ESRRG: variants seen among roughly 807,000 people sequenced by gnomAD.
ESRRG encodes the protein estrogen related receptor gamma.
In ESRRG, 13 loss-of-function variants were observed where a neutral mutation model predicts 44.0. The observed-to-expected ratio is 0.30, with a 90% CI of 0.19 to 0.47. The LOEUF is 0.47. Ranked by LOEUF, ESRRG falls within the 20% of genes least tolerant of loss-of-function variation. The probability of loss-of-function intolerance (pLI) is 1.00; values close to 1 mark genes in which losing one functional copy is unlikely to be tolerated. For missense variants in ESRRG, 395 were observed against 580.6 expected (o/e 0.68, Z 3.29); for synonymous variants, 215 against 214.6 (o/e 1.00, Z -0.02).
In ESRRG at chr1:216,927,776, A is replaced by G. The variant is rs568403899; in HGVS notation, c.-14+11806T>C. On this transcript the variant is annotated intron_variant, in intron 2 of 7. Transcript: ENST00000359162. ...CACCGCGGGACGGGGCTCCCAGATC[A>G]TGAAGGAGAGCACTAGCTTTGCATG... is the stretch of plus-strand genomic sequence containing the variant. Among the ~76,000 whole-genome samples the G allele has an allele frequency of 2.8e-4, 43 of 152,314 alleles. 1 individual carries two copies. The highest frequency in any genetic ancestry group is 9.9e-4 in the African/African-American group (41 of 41,580).
chr1:216,977,166 A>T (rs542117145), intron 1 of ESRRG, among the ~76,000 whole-genome samples: 1 of 152,226 alleles, frequency 6.6e-6, no homozygotes, highest in African/African-American at 2.4e-5. Flanking sequence ...TTGGCTTAAA[A>T]ATTTTTTTAG....
intron 1 of ESRRG, among the ~76,000 whole-genome samples, chr1:217,029,764 A>C (rs924385732): frequency 1.3e-5 from 2 of 152,176 alleles, no homozygotes; most frequent in African/African-American, 2.4e-5. Context: ...CCTATTCATA[A>C]CATTCTTTAG....
intron 2 of ESRRG, among the ~76,000 whole-genome samples, chr1:216,669,642 T>C (rs2074734618): frequency 1.3e-5 from 2 of 152,208 alleles, no homozygotes; most frequent in Non-Finnish European, 2.9e-5. Context: ...TCCCAGCACT[T>C]GGGGAGGCCA....
At chr1:217,032,310 C>A (rs949571744) in intron 1 of ESRRG, among the ~76,000 whole-genome samples, 12 of 152,142 alleles carry the variant, frequency 7.9e-5, no homozygotes, top group Admixed American at 2.6e-4. Context: ...AGATCCCTAA[C>A]CATTTCTGGG....
At chr1:216,677,968 T>C (rs1455441485) in intron 1 of ESRRG, among the ~76,000 whole-genome samples, 1 of 152,246 alleles carries the variant, frequency 6.6e-6, no homozygotes, top group East Asian at 1.9e-4. Context: ...GATGCTGCAA[T>C]CATTTTATTA....
At chr1:216,825,403 G>T (rs2095373012) in intron 2 of ESRRG, among the ~76,000 whole-genome samples, 1 of 152,180 alleles carries the variant, frequency 6.6e-6, no homozygotes, top group African/African-American at 2.4e-5. Context: ...TTGGGTTGTT[G>T]TAAGTGTCCG....
rs1222830818 is a variant in ESRRG, at chr1:216,920,908, T to C, written c.-14+18674A>G. Among the ~76,000 whole-genome samples the C allele has an allele frequency of 3.3e-5, 5 of 152,202 alleles. No individual in the cohort carries two copies. The East Asian group carries it at 7.7e-4, about 23-fold the overall frequency. ...TATTAGTGTTGTAGAGGCAGCATTATGCTGTGAGCAAGGCACACGACTCAG... is the reference window on the plus strand; with the variant it reads ...TATTAGTGTTGTAGAGGCAGCATTACGCTGTGAGCAAGGCACACGACTCAG... On this transcript the variant is annotated intron_variant, in intron 2 of 7. Coordinates refer to the ESRRG transcript ENST00000359162.
chr1:217,083,205 G>T (rs575623805), intron 1 of ESRRG, among the ~76,000 whole-genome samples: 7 of 152,222 alleles, frequency 4.6e-5, no homozygotes, highest in African/African-American at 1.7e-4. Flanking sequence ...TTTTCTGCAA[G>T]ACCAAAAAAA....
intron 2 of ESRRG, among the ~76,000 whole-genome samples, chr1:216,914,108 C>CTT (rs146978478): frequency 1.3e-5 from 2 of 150,914 alleles, no homozygotes; most frequent in African/African-American, 2.4e-5. Flanking sequence ...TCCCCCCATC[C>CTT]TTTTTTTTTA....
intron 2 of ESRRG, among the ~76,000 whole-genome samples, chr1:216,781,110 C>T (rs1032875939): frequency 6.6e-6 from 1 of 151,754 alleles, no homozygotes; most frequent in Admixed American, 6.6e-5. Context: ...AGAAATACAC[C>T]TGGTTTGTGA....
intron 2 of ESRRG, among the ~76,000 whole-genome samples, chr1:216,673,775 A>G (rs2075623422): frequency 6.6e-6 from 1 of 152,154 alleles, no homozygotes; most frequent in South Asian, 2.1e-4. Flanking sequence ...CATACCGAAG[A>G]CTCGAGGGTT....
chr1:216,551,009 A>G (rs2056163817), intron 5 of ESRRG, among the ~76,000 whole-genome samples: 1 of 152,140 alleles, frequency 6.6e-6, no homozygotes, highest in South Asian at 2.1e-4. Flanking sequence ...CTAGGCCAGG[A>G]GGCGTGGTTG....
intron 1 of ESRRG, among the ~76,000 whole-genome samples, chr1:217,037,864 G>A (rs1414440259): frequency 1.3e-5 from 2 of 152,212 alleles, no homozygotes; most frequent in Middle Eastern, 3.4e-3. Context: ...CAAAACGAAG[G>A]AGCAACAGGC....
At chr1:216,885,240 T>A (rs934282311) in intron 2 of ESRRG, among the ~76,000 whole-genome samples, 26 of 151,526 alleles carry the variant, frequency 1.7e-4, no homozygotes, top group Non-Finnish European at 2.9e-4. Context: ...TAATCATATA[T>A]AAAATATGTA....
At chr1:216,968,555 G>C (rs2150257602) in intron 1 of ESRRG, among the ~76,000 whole-genome samples, 1 of 152,144 alleles carries the variant, frequency 6.6e-6, no homozygotes, top group East Asian at 1.9e-4. Flanking sequence ...TGTTTATGTG[G>C]TCTAGTTTTG....
At chr1:217,080,671 G>GTTTTTT (rs34598045) in intron 1 of ESRRG, among the ~76,000 whole-genome samples, 6 of 65,248 alleles carry the variant, frequency 9.2e-5, no homozygotes, top group Admixed American at 2.0e-4. Context: ...TGTTTTTTTG[G>GTTTTTT]TTTTTTTTTT....
intron 1 of ESRRG, among the ~76,000 whole-genome samples, chr1:217,109,425 G>A (rs2092636011): frequency 6.6e-6 from 1 of 152,022 alleles, no homozygotes; most frequent in South Asian, 2.1e-4. Flanking sequence ...GCAGTAAAAG[G>A]CAAAGTCCCT....
intron 3 of ESRRG, among the ~76,000 whole-genome samples, chr1:216,635,448 T>C (rs1454339553): frequency 6.6e-6 from 1 of 152,196 alleles, no homozygotes; most frequent in Admixed American, 6.5e-5. Context: ...ATAGAAGTGC[T>C]TTCTTCACCT....
chr1:217,003,513 GC>G (rs1390941458), intron 1 of ESRRG, among the ~76,000 whole-genome samples: 2 of 148,508 alleles, frequency 1.3e-5, no homozygotes, highest in African/African-American at 5.1e-5. Flanking sequence ...AGCTTTATTT[GC>G]TTGTCTCATG....
Sources: allele counts gnomAD v4.1 joint callset (sites outside exome capture counted in the v4.1 genomes callset), GRCh38; gene constraint gnomAD v4.1.1; transcripts MANE v1.5; gene names NCBI Gene and HGNC (gene_info 2026-07-23, HGNC 2026-07-21).